The following GRM7 variants were observed in gnomAD, a reference collection of about 807,000 sequenced individuals.
GRM7 encodes the protein metabotropic glutamate receptor 7.
In GRM7, 35 loss-of-function variants were observed where a neutral mutation model predicts 84.5. The ratio of observed to expected loss-of-function variants is 0.41; its 90% CI spans 0.32 to 0.55. The LOEUF (loss-of-function observed/expected upper bound fraction) is 0.55. Among genes scored for constraint, GRM7 ranks in the 20% least tolerant of loss-of-function variants. The pLI is 0.19. For missense variants in GRM7, 1,003 were observed against 1,194.6 expected (o/e 0.84, Z 2.36); for synonymous variants, 487 against 455.1 (o/e 1.07, Z -0.89).
At chr3:7,381,248 C>A (rs2125129967) in intron 4 of GRM7, among the ~76,000 whole-genome samples, 1 of 152,114 alleles carries the variant, frequency 6.6e-6, no homozygotes, top group Admixed American at 6.5e-5. Context: ...ATGTGGGGCT[C>A]TGAAGGCATG....
chr3:7,452,805 A>G lies in GRM7; in HGVS notation c.1373A>G (p.Asn458Ser), dbSNP rs895792774. The G allele has an allele frequency of 1.3e-6, 2 of 1,599,650 alleles. No individual in the cohort carries two copies. The highest frequency in any genetic ancestry group is 2.7e-5 in the African/African-American group (2 of 74,848). Residue 458 changes from asparagine to serine, a missense_variant and splice_region_variant, in exon 6 of 10, where the codon AAT (asparagine) becomes AGT (serine). Physicochemically the swap from Asn to Ser is conservative, Grantham distance 46. This residue lies in a region of GRM7 where 910 missense variants were observed against 1,126.0 expected (regional missense o/e 0.81). Coordinates refer to ENST00000357716, the MANE Select transcript of GRM7 (RefSeq NM_000844.4). ...AAGTATATACGCAATGTTAATTTCA[A>G]TGGTGAGTCTCCAAAAATCCATCCT... ...LLKYIRNVNFNGSAGTPVMFN... is the reference protein window; with the variant it reads ...LLKYIRNVNFSGSAGTPVMFN...
Position 7,640,827 on chromosome 3 carries a change from C to T in GRM7, c.2452-39222C>T, listed in dbSNP as rs35210930. Among the ~76,000 whole-genome samples the T allele has an allele frequency of 2.0e-3, 302 of 152,190 alleles. 1 individual carries two copies. Among genetic ancestry groups the T allele is most frequent in the Non-Finnish European group, 3.6e-3 (245 of 68,014 alleles). On this transcript the variant is annotated intron_variant, in intron 8 of 9. Transcript: ENST00000357716. ...GGTAAAGGACAAATTGCTTTGTCTC[C>T]TAACTGAAGTCAAGATGATATAATG...
chr3:7,538,202 C>G (rs1390533455), intron 7 of GRM7, among the ~76,000 whole-genome samples: 4 of 152,156 alleles, frequency 2.6e-5, no homozygotes, highest in African/African-American at 9.7e-5. Context: ...CTCTACCTCC[C>G]AGATTCAAGT....
At chr3:7,551,196 G>T (rs911931461) in intron 7 of GRM7, among the ~76,000 whole-genome samples, 1 of 152,158 alleles carries the variant, frequency 6.6e-6, no homozygotes, top group Non-Finnish European at 1.5e-5. Context: ...TCCTTAAGGG[G>T]CAGAGGAAAA....
chr3:7,498,227 T>C (rs2124960476), intron 7 of GRM7, among the ~76,000 whole-genome samples: 1 of 152,298 alleles, frequency 6.6e-6, no homozygotes, highest in East Asian at 1.9e-4. Flanking sequence ...GTTTGTCCAC[T>C]AGAGAAGTTA....
At position 7,475,624 on chromosome 3, in the gene GRM7, T is replaced by C. The variant is rs1229143312; in HGVS notation, c.1515+13902T>C. ...GTTATTGTTACACAAATGAGTGTCA[T>C]CACCACTTGAGGTGATTGTCTATAA... is the stretch of plus-strand genomic sequence containing the variant. On this transcript the variant is annotated intron_variant, in intron 7 of 9. Transcript: ENST00000357716. 3.9e-5 allele frequency among the ~76,000 whole-genome samples: 6 copies of C among 152,196 alleles called. No homozygotes were observed. In the East Asian group the frequency reaches 9.6e-4, roughly 24 times the overall value.
intron 7 of GRM7, among the ~76,000 whole-genome samples, chr3:7,469,037 C>T (rs1021392464): frequency 9.2e-5 from 14 of 152,268 alleles, no homozygotes; most frequent in African/African-American, 2.9e-4. Flanking sequence ...TTCTGCACCC[C>T]CAAGCACCAA....
Position 7,532,232 on chromosome 3 carries a change from G to A in GRM7, c.1516-46190G>A, listed in dbSNP as rs563419662. Among the ~76,000 whole-genome samples the A allele has an allele frequency of 3.3e-5, 5 of 152,178 alleles. No individual in the cohort carries two copies. The East Asian group carries it at 5.8e-4, about 18-fold the overall frequency. On this transcript the variant is annotated intron_variant, in intron 7 of 9. Coordinates refer to ENST00000357716, the MANE Select transcript of GRM7 (RefSeq NM_000844.4). Reference sequence around the variant, plus strand: ...TTTGTACCTCTGGTAGAATTAATTCGGCTGTGAATCCGTTTGGTCGGGCTT... The same window carrying A: ...TTTGTACCTCTGGTAGAATTAATTCAGCTGTGAATCCGTTTGGTCGGGCTT...
At chr3:7,580,087 C>T (rs1695173337) in intron 8 of GRM7, among the ~76,000 whole-genome samples, 1 of 152,254 alleles carries the variant, frequency 6.6e-6, no homozygotes, top group South Asian at 2.1e-4. Flanking sequence ...TTCACATGCA[C>T]CTTCCAGGTA....
intron 1 of GRM7, among the ~76,000 whole-genome samples, chr3:6,957,315 G>GC (rs1412754918): frequency 1.2e-4 from 19 of 152,280 alleles, no homozygotes; most frequent in Admixed American, 5.2e-4. Flanking sequence ...TTGTCAGCTT[G>GC]CTGAGGGCAG....
intron 2 of GRM7, among the ~76,000 whole-genome samples, chr3:7,175,640 C>T (rs1387448693): frequency 4.6e-5 from 7 of 152,024 alleles, no homozygotes; most frequent in African/African-American, 7.3e-5. Flanking sequence ...AGAGTTCAAG[C>T]GATTCTTCTG....
intron 5 of GRM7, among the ~76,000 whole-genome samples, chr3:7,431,786 A>T (rs1020623406): frequency 5.9e-5 from 9 of 152,238 alleles, no homozygotes; most frequent in African/African-American, 2.2e-4. Flanking sequence ...AGTACACTCT[A>T]TGAATATTGG....
At chr3:7,522,368 A>G (rs910378144) in intron 7 of GRM7, among the ~76,000 whole-genome samples, 1 of 152,094 alleles carries the variant, frequency 6.6e-6, no homozygotes, top group East Asian at 1.9e-4. Context: ...TTCTGCTTCA[A>G]CAATTCTCCC....
At chr3:7,383,262 G>A (rs1396290953) in intron 4 of GRM7, among the ~76,000 whole-genome samples, 3 of 152,192 alleles carry the variant, frequency 2.0e-5, no homozygotes, top group Non-Finnish European at 4.4e-5. Flanking sequence ...CACCTAAGAA[G>A]TGCTCAGACT....
At chr3:7,370,375 G>A (rs779755862) in intron 4 of GRM7, among the ~76,000 whole-genome samples, 2 of 152,048 alleles carry the variant, frequency 1.3e-5, no homozygotes. Flanking sequence ...ATTTCGTAGT[G>A]TCTTCACCCA....
At chr3:7,681,625 T>C (rs1048800687) in intron 9 of GRM7, 2 of 152,138 alleles carry the variant, frequency 1.3e-5, no homozygotes, top group African/African-American at 4.8e-5. Flanking sequence ...ACAGAATGAA[T>C]GATATAGGCT....
intron 4 of GRM7, among the ~76,000 whole-genome samples, chr3:7,367,116 T>A (rs1693927246): frequency 6.6e-6 from 1 of 150,538 alleles, no homozygotes; most frequent in Admixed American, 6.6e-5. Flanking sequence ...TTTACATCAT[T>A]TATTTCTTTA....
chr3:7,693,711 A>G (rs900991921), intron 9 of GRM7: 144 of 1,448,506 alleles, frequency 9.9e-5, no homozygotes, highest in Middle Eastern at 3.4e-4. Context: ...CTGTCCTTCT[A>G]AGTGTCCTAA....
chr3:7,099,444 T>C (rs932487373), intron 1 of GRM7, among the ~76,000 whole-genome samples: 2 of 149,004 alleles, frequency 1.3e-5, no homozygotes, highest in East Asian at 4.0e-4. Flanking sequence ...ACATTATACA[T>C]ATGTACATGT....
Sources: allele counts gnomAD v4.1 joint callset (sites outside exome capture counted in the v4.1 genomes callset), GRCh38; gene constraint gnomAD v4.1.1; regional missense constraint gnomAD v4.1.1; transcripts MANE v1.5; gene names NCBI Gene and HGNC (gene_info 2026-07-23, HGNC 2026-07-21).